GRAP2: variants seen among roughly 807,000 people sequenced by gnomAD.
GRAP2 encodes the protein GRB2-related adapter protein 2.
GRAP2 carries 31 observed loss-of-function variants against 43.5 expected under a neutral mutation model. The ratio of observed to expected loss-of-function variants is 0.71; its 90% CI spans 0.54 to 0.96. GRAP2 has a LOEUF of 0.96. GRAP2 is among the 40% of genes least tolerant of loss of function. GRAP2 has a pLI of 0.00. For missense variants in GRAP2, 371 were observed against 424.4 expected, an observed-to-expected ratio of 0.87 and a Z score of 1.11; for synonymous variants, 156 against 164.8, an observed-to-expected ratio of 0.95 and a Z score of 0.41.
At chr22:39,926,830 G>A (rs1305909401) in intron 1 of GRAP2, 1 of 983,756 alleles carries the variant, frequency 1.0e-6, no homozygotes, top group Non-Finnish European at 1.2e-6. Context: ...AATTAGGGGA[G>A]TATTGTCTGG....
At chr22:39,950,831 A>C (rs2145643509) in intron 2 of GRAP2, among the ~76,000 whole-genome samples, 1 of 152,326 alleles carries the variant, frequency 6.6e-6, no homozygotes, top group East Asian at 1.9e-4. Flanking sequence ...GGGACTCCCC[A>C]CATGTGATTG....
chr22:39,901,157 T>A lies in GRAP2; in HGVS notation c.-188T>A. 4.0e-6 allele frequency: 2 copies of A among 494,178 alleles called. No individual in the cohort carries two copies. Among genetic ancestry groups the A allele is most frequent in the South Asian group, 3.2e-5 (2 of 63,144 alleles). 30.6% of individuals were successfully genotyped at this position (494,178 alleles called of 1,614,324 possible). ...GGGAGGAGGAGGCACAGTTAATGGA[T>A]CTGTAAACTTGCACCCTCTTTCAGA... is the stretch of plus-strand genomic sequence containing the variant. On this transcript the variant is annotated 5_prime_UTR_variant, in exon 1 of 8. Transcript: ENST00000344138.
chr22:39,971,756 G>C lies in GRAP2; in HGVS notation c.*672G>C, dbSNP rs2067246610. 1 of 152,212 alleles carries C rather than the reference G, an allele frequency of 6.6e-6. No homozygotes were observed. Among genetic ancestry groups the C allele is most frequent in the Non-Finnish European group, 1.5e-5 (1 of 68,044 alleles). 9.4% of individuals were successfully genotyped at this position (152,212 alleles called of 1,614,324 possible). A position where few individuals can be genotyped will look rare whatever the true frequency, so the allele number is the denominator to read the frequency against. ...TTAATATTCCTTGGGTCTTTCAAAT[G>C]AATGTTTCAATGTGAGGAGCGAAGT... On this transcript the variant is annotated 3_prime_UTR_variant, in exon 8 of 8. Transcript: ENST00000344138.
intron 1 of GRAP2, among the ~76,000 whole-genome samples, chr22:39,913,532 T>A (rs2066582373): frequency 6.6e-6 from 1 of 151,904 alleles, no homozygotes. Context: ...TCAACTAGAG[T>A]GAGCTTCTTA....
intron 1 of GRAP2, among the ~76,000 whole-genome samples, chr22:39,932,498 G>A (rs1208189809): frequency 6.8e-6 from 1 of 146,074 alleles, no homozygotes; most frequent in African/African-American, 2.6e-5. Context: ...ATCACTTGAG[G>A]CCAGGAGTTC....
intron 1 of GRAP2, among the ~76,000 whole-genome samples, chr22:39,910,658 C>T (rs759853301): frequency 2.0e-5 from 3 of 151,638 alleles, no homozygotes; most frequent in Non-Finnish European, 4.4e-5. Context: ...CCGCCTGCCT[C>T]GGCCTCGCAA....
At chr22:39,932,320 C>CA (rs1269310452) in intron 1 of GRAP2, among the ~76,000 whole-genome samples, 1 of 152,156 alleles carries the variant, frequency 6.6e-6, no homozygotes, top group African/African-American at 2.4e-5. Flanking sequence ...TTTTATCTGA[C>CA]AACCCTACTT....
chr22:39,915,751 C>CT (rs1478460143), intron 1 of GRAP2, among the ~76,000 whole-genome samples: 2 of 152,112 alleles, frequency 1.3e-5, no homozygotes, highest in Admixed American at 1.3e-4. Context: ...GTAACATGCT[C>CT]TTCAAAAGTA....
chr22:39,930,431 C>G (rs2145604383), intron 1 of GRAP2, among the ~76,000 whole-genome samples: 1 of 152,300 alleles, frequency 6.6e-6, no homozygotes, highest in African/African-American at 2.4e-5. Context: ...GATACAATAG[C>G]AGTTCTTATT....
chr22:39,900,552 T>C (rs989868586), upstream of GRAP2, among the ~76,000 whole-genome samples: 1 of 152,174 alleles, frequency 6.6e-6, no homozygotes, highest in African/African-American at 2.4e-5. Context: ...TGGAAAGTCT[T>C]AAATCCCAGA....
intron 6 of GRAP2, chr22:39,968,500 CACTT>C (rs1352228233): frequency 3.4e-5 from 19 of 563,970 alleles, no homozygotes; most frequent in Non-Finnish European, 5.6e-5. Context: ...CACACACACA[CACTT>C]AAACTCACAC....
At chr22:39,924,235 C>A (rs2066678348) in intron 1 of GRAP2, among the ~76,000 whole-genome samples, 1 of 152,270 alleles carries the variant, frequency 6.6e-6, no homozygotes, top group South Asian at 2.1e-4. Context: ...GTTTATAAAT[C>A]GCGGGAGAAA....
chr22:39,913,980 A>G (rs1292148196), intron 1 of GRAP2, among the ~76,000 whole-genome samples: 2 of 152,142 alleles, frequency 1.3e-5, no homozygotes, highest in Non-Finnish European at 2.9e-5. Context: ...GCCGTCTGCA[A>G]CTGCCAAGCA....
chr22:39,921,409 G>A (rs180670769), intron 1 of GRAP2, among the ~76,000 whole-genome samples: 142 of 152,324 alleles, frequency 9.3e-4, no homozygotes, highest in African/African-American at 3.1e-3. Context: ...GCCTGATTCC[G>A]AATGTGAGTT....
chr22:39,971,137 C>A lies in GRAP2; in HGVS notation c.*53C>A. ...CTGGAGCTGCCCACAAGAAAGAGGG[C>A]AAGGAAAAAAGGCTGGACTCCATGA... On this transcript the variant is annotated 3_prime_UTR_variant, in exon 8 of 8. Transcript: ENST00000344138. 2 of 1,421,992 alleles carry A rather than the reference C, an allele frequency of 1.4e-6. No homozygotes were observed. Among genetic ancestry groups the A allele is most frequent in the Non-Finnish European group, 1.9e-6 (2 of 1,027,928 alleles). The allele number at this position is 1,421,992 out of a possible 1,614,324, so 88.1% of individuals were successfully genotyped here. A position where few individuals can be genotyped will look rare whatever the true frequency, so the allele number is the denominator to read the frequency against.
intron 1 of GRAP2, among the ~76,000 whole-genome samples, chr22:39,944,722 G>T (rs1431493087): frequency 2.0e-5 from 3 of 152,180 alleles, no homozygotes; most frequent in African/African-American, 7.2e-5. Context: ...AGCCAGCCTG[G>T]ACCCAGTGCC....
intron 1 of GRAP2, among the ~76,000 whole-genome samples, chr22:39,937,423 C>G (rs1392740531): frequency 6.6e-6 from 1 of 152,184 alleles, no homozygotes; most frequent in Non-Finnish European, 1.5e-5. Context: ...GTCATACTTT[C>G]TGATAACACT....
In GRAP2 at chr22:39,945,119, C is replaced by T. The variant is rs149821288; in HGVS notation, c.-14-1974C>T. 8.7e-3 allele frequency among the ~76,000 whole-genome samples: 1,322 copies of T among 152,344 alleles called. 13 individuals carry two copies. Among genetic ancestry groups the T allele is most frequent in the Non-Finnish European group, 0.014 (935 of 68,024 alleles). ...ATTAACTTAGGAGGGCAGAATACTC[C>T]TTCCTGTTGAGTGGGTCGTCCTAGG... On this transcript the variant is annotated intron_variant, in intron 1 of 7. Transcript: ENST00000344138.
chr22:39,942,910 C>T (rs2066885441), intron 1 of GRAP2, among the ~76,000 whole-genome samples: 1 of 152,160 alleles, frequency 6.6e-6, no homozygotes, highest in Admixed American at 6.5e-5. Flanking sequence ...ATTATCTTAT[C>T]TGAATTACAA....
Sources: allele counts gnomAD v4.1 joint callset (sites outside exome capture counted in the v4.1 genomes callset), GRCh38; gene constraint gnomAD v4.1.1; transcripts MANE v1.5; gene names NCBI Gene and HGNC (gene_info 2026-07-23, HGNC 2026-07-21).